Variants in NOS1 observed in about 807,000 individuals in gnomAD.
The protein encoded by NOS1 is nitric oxide synthase 1, also known as NOS type I.
NOS1 carries 51 observed loss-of-function variants against 164.5 expected under a neutral mutation model. The observed-to-expected ratio is 0.31, with a 90% CI of 0.25 to 0.39. The LOEUF (loss-of-function observed/expected upper bound fraction) is 0.39, where lower values mean the gene tolerates loss of function less well. Among genes scored for constraint, NOS1 ranks in the 10% least tolerant of loss-of-function variants. NOS1 has a pLI of 1.00. For synonymous variants in NOS1, 719 were observed against 745.8 expected, an observed-to-expected ratio of 0.96 and a Z score of 0.59; for missense variants, 1,362 against 1,885.6, an observed-to-expected ratio of 0.72 and a Z score of 5.14.
intron 17 of NOS1, 47 bp from the exon 18 acceptor site, chr12:117,247,569 T>A (rs1870722674): frequency 1.3e-6 from 2 of 1,542,144 alleles, no homozygotes; most frequent in African/African-American, 1.4e-5. Context: ...CTGTGGGGAA[T>A]GTGGGGAGTG....
intron 10 of NOS1, among the ~76,000 whole-genome samples, chr12:117,268,597 T>TTC (rs1473528178): frequency 6.7e-6 from 1 of 149,148 alleles, no homozygotes; most frequent in African/African-American, 2.5e-5. Flanking sequence ...CAATTTTTTT[T>TTC]TTTTTTTTTT....
rs145174249 is a variant in NOS1, at chr12:117,316,164, G to T, written c.726-4572C>A. On this transcript the variant is annotated intron_variant, in intron 2 of 28. Coordinates refer to ENST00000317775, the MANE Select transcript of NOS1 (RefSeq NM_000620.5). ...GTCTATATTGTCAGACAGTGCAGCC[G>T]CTGGAAACCTATTAATGTCTCCAAA... Among the ~76,000 whole-genome samples, 455 of 152,272 alleles carry T rather than the reference G, an allele frequency of 3.0e-3. 3 individuals carry two copies. The highest frequency in any genetic ancestry group is 9.8e-3 in the African/African-American group (408 of 41,558).
chr12:117,311,630 C>T, intron 2 of NOS1, 38 bp from the exon 3 acceptor site: 1 of 1,586,446 alleles, frequency 6.3e-7, no homozygotes, highest in Non-Finnish European at 8.6e-7. Flanking sequence ...AAGGGGACAT[C>T]AGGAGGGACT....
chr12:117,212,686 A>C lies in NOS1; in HGVS notation c.*2623T>G. On this transcript the variant is annotated 3_prime_UTR_variant, in exon 29 of 29. Coordinates refer to ENST00000317775, the MANE Select transcript of NOS1 (RefSeq NM_000620.5). ...CCGAATAACCCCCAAATATCTTGTC[A>C]ACCCTATTTTGCTTACCCATTGCTT... 1.0e-6 allele frequency: 1 copy of C among 985,450 alleles called. No homozygotes were observed. Among genetic ancestry groups the C allele is most frequent in the African/African-American group, 1.7e-5 (1 of 57,374 alleles). The allele number at this position is 985,450 out of a possible 1,614,324, so 61.0% of individuals were successfully genotyped here.
intron 17 of NOS1, among the ~76,000 whole-genome samples, chr12:117,252,334 CCATTATTAGCT>C (rs1286752939): frequency 6.6e-6 from 1 of 152,050 alleles, no homozygotes; most frequent in East Asian, 1.9e-4. Flanking sequence ...GGTAAGAAAA[CCATTATTAGCT>C]CATGGGTTGT....
chr12:117,259,035 C>T lies in NOS1; in HGVS notation c.2463G>A (p.Glu821=), dbSNP rs763473305. The change falls in exon 15 of 29, where the codon GAG becomes GAA. Residue 821 remains glutamate (E), a synonymous_variant. Transcript: ENST00000317775. The part of the protein sequence containing the change: ...TSTFGNGDPP[E]NGEKFGCALM... ...TAAAAGCTCATCTCACCTCCCCATT[C>T]TCAGGGGGATCTCCATTGCCAAAGG... 2.5e-6 allele frequency: 4 copies of T among 1,611,466 alleles called. No homozygotes were observed. Among genetic ancestry groups the T allele is most frequent in the East Asian group, 2.2e-5 (1 of 44,880 alleles).
chr12:117,343,878 A>G (rs1455885302), intron 1 of NOS1, among the ~76,000 whole-genome samples: 1 of 152,202 alleles, frequency 6.6e-6, no homozygotes, highest in Non-Finnish European at 1.5e-5. Flanking sequence ...TGTTCCCTTC[A>G]CTCGAAAGTT....
At chr12:117,335,942 A>G (rs1471635695) in intron 1 of NOS1, among the ~76,000 whole-genome samples, 1 of 152,110 alleles carries the variant, frequency 6.6e-6, no homozygotes, top group African/African-American at 2.4e-5. Context: ...CCTGGGCTCA[A>G]GTGACCCTCC....
intron 21 of NOS1, 50 bp from the exon 22 acceptor site, chr12:117,232,181 C>T (rs1302533241): frequency 1.3e-6 from 2 of 1,582,828 alleles, no homozygotes; most frequent in East Asian, 2.2e-5. Flanking sequence ...GGCTTGAGTC[C>T]AAGTCGGGGG....
rs1365221193 is a variant in NOS1, at chr12:117,214,005, G to T, written c.*1304C>A. The T allele has an allele frequency of 1.0e-6, 1 of 985,214 alleles. No individual in the cohort carries two copies. The allele number at this position is 985,214 out of a possible 1,614,324, so 61.0% of individuals were successfully genotyped here. ...TTATTTGTCAAAATTAATTTAACAG[G>T]TTTAAAACTTTGGAGATCAACTGCA... On this transcript the variant is annotated 3_prime_UTR_variant, in exon 29 of 29. Transcript: ENST00000317775.
chr12:117,262,101 C>T (rs1033798893), intron 13 of NOS1, among the ~76,000 whole-genome samples: 15 of 152,212 alleles, frequency 9.9e-5, no homozygotes, highest in East Asian at 3.9e-4. Flanking sequence ...TCAGGGAAAC[C>T]GCCCACGATG....
At chr12:117,319,017 C>T (rs1874791777) in intron 2 of NOS1, among the ~76,000 whole-genome samples, 1 of 152,114 alleles carries the variant, frequency 6.6e-6, no homozygotes, top group Admixed American at 6.6e-5. Context: ...TTTCATCATG[C>T]TTGGAGTGGG....
At chr12:117,340,873 A>ATTTTTTTTTTTTTTT (rs56322341) in intron 1 of NOS1, among the ~76,000 whole-genome samples, 15 of 104,476 alleles carry the variant, frequency 1.4e-4, no homozygotes, top group African/African-American at 2.4e-4. Flanking sequence ...ACACCTGGCT[A>ATTTTTTTTTTTTTTT]TTTTTTTTTT....
chr12:117,253,996 A>G (rs1278559543), intron 16 of NOS1, among the ~76,000 whole-genome samples: 2 of 152,180 alleles, frequency 1.3e-5, no homozygotes, highest in Non-Finnish European at 2.9e-5. Context: ...GCCATGCTTA[A>G]CTCAGGAAAC....
chr12:117,296,260 G>T (rs1873409806), intron 3 of NOS1, among the ~76,000 whole-genome samples: 1 of 152,150 alleles, frequency 6.6e-6, no homozygotes, highest in African/African-American at 2.4e-5. Flanking sequence ...TTTATTTGAA[G>T]CCTGTGATAG....
At chr12:117,241,160 G>A (rs1173810711) in intron 20 of NOS1, among the ~76,000 whole-genome samples, 3 of 151,798 alleles carry the variant, frequency 2.0e-5, no homozygotes, top group African/African-American at 7.3e-5. Context: ...GGCTGGTCTC[G>A]AACTCCTGAC....
In NOS1 at chr12:117,283,056, A is replaced by ATATATATATATTT. The variant is rs1360367568; in HGVS notation, c.1382+2184_1382+2185insAAATATATATATA. ...TAACATTATATATATATATATATATATTTTTTTTTTTTTTTTTGAGACAGT... is the reference window on the plus strand; with the variant it reads ...TAACATTATATATATATATATATATATATATATATATTTTTTTTTTTTTTTTTTTTGAGACAGT... On this transcript the variant is annotated intron_variant, in intron 7 of 28. Coordinates refer to ENST00000317775, the MANE Select transcript of NOS1 (RefSeq NM_000620.5). Among the ~76,000 whole-genome samples the ATATATATATATTT allele has an allele frequency of 4.3e-4, 40 of 92,954 alleles. 1 individual carries two copies. Among genetic ancestry groups the ATATATATATATTT allele is most frequent in the African/African-American group, 1.4e-3 (38 of 27,910 alleles). 61.0% of individuals were successfully genotyped at this position (92,954 alleles called of 152,430 possible).
chr12:117,254,963 T>A (rs114251114), intron 16 of NOS1, among the ~76,000 whole-genome samples: 2,634 of 152,284 alleles, frequency 0.017, 93 homozygotes, highest in African/African-American at 0.059. Flanking sequence ...ACGCCTGGCA[T>A]GGAAAGAGAC....
At position 117,337,104 on chromosome 12, in the gene NOS1, C is replaced by CTAT. The variant is rs1566082153; in HGVS notation, c.-420-5616_-420-5615insATA. Among the ~76,000 whole-genome samples the CTAT allele has an allele frequency of 2.3e-4, 22 of 94,122 alleles. 3 individuals are homozygous for CTAT. Among genetic ancestry groups the CTAT allele is most frequent in the Middle Eastern group, 8.2e-3 (1 of 122 alleles). The allele number at this position is 94,122 out of a possible 152,430, so 61.7% of individuals were successfully genotyped here. On this transcript the variant is annotated intron_variant, in intron 1 of 28. Coordinates refer to ENST00000317775, the MANE Select transcript of NOS1 (RefSeq NM_000620.5). ...AGCCACTGTACCCAGCTGCTTTTTACTCTTTTTTTTTTTTTTTTTTTTTTT... is the reference window on the plus strand; with the variant it reads ...AGCCACTGTACCCAGCTGCTTTTTACTATTCTTTTTTTTTTTTTTTTTTTTTTT...
Sources: allele counts gnomAD v4.1 joint callset (sites outside exome capture counted in the v4.1 genomes callset), GRCh38; gene constraint gnomAD v4.1.1; transcripts MANE v1.5; gene names NCBI Gene and HGNC (gene_info 2026-07-23, HGNC 2026-07-21).